Variants in NFYC observed in about 807,000 individuals in gnomAD.
The protein encoded by NFYC is nuclear transcription factor Y subunit gamma.
NFYC carries 25 observed loss-of-function variants against 53.1 expected under a neutral mutation model. The ratio of observed to expected loss-of-function variants is 0.47; its 90% CI spans 0.34 to 0.66. NFYC has a LOEUF of 0.66. Among genes scored for constraint, NFYC ranks in the 30% least tolerant of loss-of-function variants. The pLI, the probability that NFYC is intolerant of heterozygous loss-of-function variation, is 0.01. For synonymous variants in NFYC, 145 were observed against 152.6 expected, an observed-to-expected ratio of 0.95 and a Z score of 0.37; for missense variants, 260 against 422.7, an observed-to-expected ratio of 0.62 and a Z score of 3.38.
At chr1:40,738,381 C>G (rs547412241) in intron 1 of NFYC, among the ~76,000 whole-genome samples, 1 of 152,256 alleles carries the variant, frequency 6.6e-6, no homozygotes, top group South Asian at 2.1e-4. Flanking sequence ...CAGTACTAAT[C>G]ACTGGGGACT....
intron 1 of NFYC, among the ~76,000 whole-genome samples, chr1:40,694,860 C>G (rs770872341): frequency 6.6e-6 from 1 of 152,166 alleles, no homozygotes; most frequent in Non-Finnish European, 1.5e-5. Flanking sequence ...AGAAATCATA[C>G]TAAGATTTAT....
chr1:40,752,134 CAT>C (rs1293239932), intron 4 of NFYC, among the ~76,000 whole-genome samples: 1 of 152,180 alleles, frequency 6.6e-6, no homozygotes, highest in Non-Finnish European at 1.5e-5. Context: ...AAATTTCAAA[CAT>C]AAGCAAAGTT....
At chr1:40,751,072 T>C (rs1346955150) in intron 4 of NFYC, among the ~76,000 whole-genome samples, 4 of 152,252 alleles carry the variant, frequency 2.6e-5, no homozygotes, top group Admixed American at 1.3e-4. Context: ...GCCATTCTTA[T>C]ATAAAAATGC....
chr1:40,723,656 T>G (rs1557783900), intron 1 of NFYC: 1 of 152,130 alleles, frequency 6.6e-6, no homozygotes, highest in East Asian at 1.9e-4. Context: ...TATCTGAAAC[T>G]TTTTCTTTTC....
At chr1:40,737,889 C>T (rs533819707) in intron 1 of NFYC, among the ~76,000 whole-genome samples, 9 of 143,818 alleles carry the variant, frequency 6.3e-5, no homozygotes, top group African/African-American at 1.8e-4. Flanking sequence ...AGAAACTTAG[C>T]GTGCTCTCTC....
intron 7 of NFYC, chr1:40,763,571 T>G (rs1159442486): frequency 2.8e-6 from 1 of 356,396 alleles, no homozygotes; most frequent in African/African-American, 2.1e-5. Context: ...GGTCTCTAAC[T>G]CCTAACCTCA....
intron 1 of NFYC, among the ~76,000 whole-genome samples, chr1:40,726,419 G>GT (rs1035401177): frequency 1.8e-3 from 258 of 143,824 alleles, no homozygotes; most frequent in East Asian, 0.017. Flanking sequence ...CATCTGGCCT[G>GT]TTTTTTTTTT....
intron 1 of NFYC, among the ~76,000 whole-genome samples, chr1:40,717,673 T>C (rs1221874017): frequency 6.6e-6 from 1 of 152,246 alleles, no homozygotes; most frequent in African/African-American, 2.4e-5. Flanking sequence ...TGTACAAATA[T>C]TTCCTTGAGA....
At chr1:40,731,548 G>A (rs527544907) in intron 1 of NFYC, among the ~76,000 whole-genome samples, 2 of 151,180 alleles carry the variant, frequency 1.3e-5, no homozygotes, top group South Asian at 2.1e-4. Context: ...GCAGTGGCGC[G>A]ACCTCAGCTC....
At position 40,763,355 on chromosome 1, in the gene NFYC, CT is replaced by C. The variant is rs373024959; in HGVS notation, c.720+314del. The C allele has an allele frequency of 3.0e-4, 136 of 454,062 alleles. No homozygotes were observed. In the East Asian group the frequency reaches 5.8e-3, roughly 19 times the overall value. The allele number at this position is 454,062 out of a possible 1,614,324, so 28.1% of individuals were successfully genotyped here. ...CACACGCATGCATAATCCTTTTTTT[CT>C]TTTTAGGAGACAGGTCTTGCTGTGT... is the stretch of plus-strand genomic sequence containing the variant. On this transcript the variant is annotated intron_variant, in intron 7 of 9. Coordinates refer to ENST00000447388, the MANE Select transcript of NFYC (RefSeq NM_014223.5).
At chr1:40,756,986 A>T (rs1646261422) in intron 5 of NFYC, among the ~76,000 whole-genome samples, 1 of 152,198 alleles carries the variant, frequency 6.6e-6, no homozygotes, top group Non-Finnish European at 1.5e-5. Flanking sequence ...TAGTGTGGGG[A>T]TGGGGTCAAT....
At chr1:40,710,553 TTTG>T (rs1643897669) in intron 1 of NFYC, among the ~76,000 whole-genome samples, 1 of 152,206 alleles carries the variant, frequency 6.6e-6, no homozygotes, top group African/African-American at 2.4e-5. Flanking sequence ...AATGCAATTC[TTTG>T]TTTTCTTTTT....
In NFYC at chr1:40,691,810, G is replaced by A; in HGVS notation, c.-66G>A. ...TCCGCCGCGCCTGGGCCTCTGCATT[G>A]CCCGACTCCGTAGGAGCGCGGGGGC... On this transcript the variant is annotated 5_prime_UTR_variant, in exon 1 of 10. Coordinates refer to ENST00000447388, the MANE Select transcript of NFYC (RefSeq NM_014223.5). 1 of 445,594 alleles carries A rather than the reference G, an allele frequency of 2.2e-6. No individual in the cohort carries two copies. The highest frequency in any genetic ancestry group is 7.8e-5 in the East Asian group (1 of 12,858). The allele number at this position is 445,594 out of a possible 1,614,324, so 27.6% of individuals were successfully genotyped here.
chr1:40,764,950 C>T (rs1183187086), intron 7 of NFYC, among the ~76,000 whole-genome samples: 2 of 152,164 alleles, frequency 1.3e-5, no homozygotes, highest in Non-Finnish European at 2.9e-5. Flanking sequence ...GCAAAGAGCT[C>T]TTCCCAGCTA....
At chr1:40,728,764 A>G (rs776152337) in intron 1 of NFYC, among the ~76,000 whole-genome samples, 10 of 151,816 alleles carry the variant, frequency 6.6e-5, no homozygotes, top group Non-Finnish European at 1.2e-4. Context: ...CAGCCTCTTG[A>G]GTAGCTGGGA....
At chr1:40,736,292 A>G (rs1005312631) in intron 1 of NFYC, among the ~76,000 whole-genome samples, 1 of 151,604 alleles carries the variant, frequency 6.6e-6, no homozygotes, top group Non-Finnish European at 1.5e-5. Context: ...AAAGGGAAGG[A>G]AAAAAAAAGA....
intron 1 of NFYC, among the ~76,000 whole-genome samples, chr1:40,733,010 C>CT (rs998716098): frequency 1.6e-5 from 1 of 62,960 alleles, no homozygotes; most frequent in Non-Finnish European, 3.5e-5. Flanking sequence ...CAAGATTCGC[C>CT]CCCCCCCCCT....
chr1:40,759,098 G>A (rs1482230899), intron 6 of NFYC, among the ~76,000 whole-genome samples: 2 of 152,168 alleles, frequency 1.3e-5, no homozygotes, highest in African/African-American at 2.4e-5. Context: ...TTGGCTCAGC[G>A]CAGTGGCTCA....
chr1:40,726,504 G>A (rs1441992406), intron 1 of NFYC, among the ~76,000 whole-genome samples: 1 of 151,860 alleles, frequency 6.6e-6, no homozygotes, highest in Non-Finnish European at 1.5e-5. Context: ...CTGCCTTCCA[G>A]GTTCAAGCCA....
Sources: gnomAD v4.1 joint callset for allele counts (sites outside exome capture counted in the v4.1 genomes callset) on GRCh38, gnomAD v4.1.1 for gene constraint, MANE v1.5 for transcripts, NCBI Gene and HGNC (gene_info 2026-07-23, HGNC 2026-07-21) for gene names.